PTPN3: variants seen among roughly 807,000 people sequenced by gnomAD.
The protein encoded by PTPN3 is protein tyrosine phosphatase non-receptor type 3, also known as tyrosine-protein phosphatase non-receptor type 3.
In PTPN3, 96 loss-of-function variants were observed where a neutral mutation model predicts 132.7. The observed-to-expected ratio is 0.72, with a 90% CI of 0.61 to 0.86. PTPN3 has a LOEUF of 0.86. PTPN3 is among the 40% of genes least tolerant of loss of function. PTPN3 has a pLI of 0.00. For synonymous variants in PTPN3, 398 were observed against 429.0 expected, an observed-to-expected ratio of 0.93 and a Z score of 0.89; for missense variants, 1,125 against 1,159.6, an observed-to-expected ratio of 0.97 and a Z score of 0.43.
intron 16 of PTPN3, 40 bp from the exon 17 acceptor site, chr9:109,408,417 A>G: frequency 8.2e-7 from 1 of 1,224,346 alleles, no homozygotes. Context: ...AAAGTTTTTT[A>G]AGTTAAACAA....
chr9:109,513,461 C>G, the PTPN3 span, among the ~76,000 whole-genome samples: 7 of 152,210 alleles, frequency 4.6e-5, no homozygotes, highest in Non-Finnish European at 8.8e-5. Context: ...TGTTCCCCCC[C>G]AGAACACCTG....
At chr9:109,501,918 A>G (rs1847868552), upstream of PTPN3, among the ~76,000 whole-genome samples, 1 of 152,218 alleles carries the variant, frequency 6.6e-6, no homozygotes, top group Non-Finnish European at 1.5e-5. Flanking sequence ...CCAGGACCGT[A>G]AGAGCAGCCC....
At position 109,492,170 on chromosome 9, in the gene PTPN3, A is replaced by G. The variant is rs376040592; in HGVS notation, c.-18+6049T>C. Among the ~76,000 whole-genome samples the G allele has an allele frequency of 1.4e-3, 218 of 152,208 alleles. 2 individuals carry two copies. The highest frequency in any genetic ancestry group is 3.4e-3 in the African/African-American group (141 of 41,536). On this transcript the variant is annotated intron_variant, in intron 1 of 25. Transcript: ENST00000374541. Reference sequence around the variant, plus strand: ...GGCCAACCTCCCCTCCCCAGGCCCAATGGTGGCTGGCGGTCAAAAAACAGC... The same window carrying G: ...GGCCAACCTCCCCTCCCCAGGCCCAGTGGTGGCTGGCGGTCAAAAAACAGC...
Position 109,436,915 on chromosome 9 carries a change from C to A in PTPN3, c.643G>T (p.Asp215Tyr). 6.2e-7 allele frequency: 1 copy of A among 1,614,040 alleles called. No individual in the cohort carries two copies. The highest frequency in any genetic ancestry group is 1.6e-4 in the Middle Eastern group (1 of 6,062). ...SCYINIARTLDFYGVELHSGR... is the reference protein window; with the variant it reads ...SCYINIARTLYFYGVELHSGR... ...CTGTGCAGTTCTACTCCATAGAAGT[C>A]GAGGGTCCGCGCTATGTTGATATAG... is the stretch of plus-strand genomic sequence containing the variant. Residue 215 changes from aspartate to tyrosine, a missense_variant, in exon 9 of 26, where the codon GAC becomes TAC. By Grantham distance (160) the Asp-to-Tyr change is radical. Coordinates refer to ENST00000374541, the MANE Select transcript of PTPN3 (RefSeq NM_002829.4).
At position 109,404,586 on chromosome 9, in the gene PTPN3, G is replaced by C. The variant is rs7859962; in HGVS notation, c.1815C>G (p.Phe605Leu). 2.4e-4 allele frequency: 371 copies of C among 1,548,330 alleles called. No homozygotes were observed. In the African/African-American group the frequency reaches 4.4e-3, roughly 19 times the overall value. Residue 605 changes from phenylalanine to leucine, a missense_variant, in exon 19 of 26, where the codon TTC becomes TTG. Physicochemically the swap from Phe to Leu is conservative, Grantham distance 22. Transcript: ENST00000374541. Reference protein sequence around the residue: ...RRRAVRSFADFKSEDELNQLF... With the variant: ...RRRAVRSFADLKSEDELNQLF... ...GCTGGTTCAGTTCATCTTCAGACTT[G>C]AAGTCAGCAAATGAGCGGACAGCTG...
At chr9:109,451,444 G>GAC (rs1845242078) in intron 5 of PTPN3, 2 of 911,708 alleles carry the variant, frequency 2.2e-6, no homozygotes, top group Admixed American at 6.2e-5. Context: ...AGAAGAGACA[G>GAC]ACACACACTG....
intron 19 of PTPN3, among the ~76,000 whole-genome samples, chr9:109,398,098 AC>A (rs1398378830): frequency 6.6e-6 from 1 of 152,192 alleles, no homozygotes; most frequent in African/African-American, 2.4e-5. Flanking sequence ...ACATGGTGAA[AC>A]CCCATCTCTA....
At chr9:109,534,597 TGAAACC>T in the PTPN3 span, among the ~76,000 whole-genome samples, 1 of 132,984 alleles carries the variant, frequency 7.5e-6, no homozygotes, top group African/African-American at 2.9e-5. Flanking sequence ...ACTAACATGG[TGAAACC>T]CCGTCTCTAC....
chr9:109,436,862 A>G (rs1194395878), intron 9 of PTPN3, 21 bp downstream of exon 9: 1 of 1,602,216 alleles, frequency 6.2e-7, no homozygotes, highest in East Asian at 2.2e-5. Flanking sequence ...GTTTGAGCCA[A>G]GACATAACAA....
chr9:109,464,190 T>G (rs886249815), intron 1 of PTPN3, among the ~76,000 whole-genome samples: 11 of 152,188 alleles, frequency 7.2e-5, no homozygotes, highest in African/African-American at 2.4e-4. Context: ...CATAACTCAG[T>G]GCAACCACTG....
intron 1 of PTPN3, among the ~76,000 whole-genome samples, chr9:109,478,519 C>G (rs1446651598): frequency 6.6e-6 from 1 of 152,166 alleles, no homozygotes; most frequent in East Asian, 1.9e-4. Flanking sequence ...TGACCAAGGA[C>G]AGGCACCAAT....
chr9:109,520,242 C>T, the PTPN3 span, among the ~76,000 whole-genome samples: 5 of 151,968 alleles, frequency 3.3e-5, no homozygotes, highest in African/African-American at 1.2e-4. Flanking sequence ...CCATGCTCTG[C>T]GCCATTGCAT....
intron 1 of PTPN3, among the ~76,000 whole-genome samples, chr9:109,493,561 T>A (rs1159988848): frequency 6.6e-6 from 1 of 152,208 alleles, no homozygotes; most frequent in African/African-American, 2.4e-5. Flanking sequence ...TAACTTTCCA[T>A]ATAAACCATC....
At chr9:109,497,336 C>G (rs901970419) in intron 1 of PTPN3, among the ~76,000 whole-genome samples, 3 of 152,168 alleles carry the variant, frequency 2.0e-5, no homozygotes, top group Non-Finnish European at 4.4e-5. Flanking sequence ...ATTTATCCCA[C>G]TTAATCCACT....
chr9:109,394,527 C>G (rs1840399458), intron 19 of PTPN3, among the ~76,000 whole-genome samples: 1 of 151,678 alleles, frequency 6.6e-6, no homozygotes, highest in Non-Finnish European at 1.5e-5. Flanking sequence ...ACTGCAACCT[C>G]TGCCTCCAAG....
intron 5 of PTPN3, among the ~76,000 whole-genome samples, chr9:109,452,298 CAG>C (rs927103650): frequency 8.6e-5 from 11 of 127,196 alleles, no homozygotes; most frequent in Non-Finnish European, 1.5e-4. Context: ...GGAAATAAAA[CAG>C]AATAGAAAAC....
chr9:109,479,548 T>C (rs1006697940), intron 1 of PTPN3, among the ~76,000 whole-genome samples: 1 of 152,258 alleles, frequency 6.6e-6, no homozygotes, highest in Non-Finnish European at 1.5e-5. Context: ...GGAGTAGGAT[T>C]GCTGGGTCAC....
chr9:109,477,704 G>A (rs1477694463), intron 1 of PTPN3, among the ~76,000 whole-genome samples: 1 of 152,226 alleles, frequency 6.6e-6, no homozygotes, highest in Non-Finnish European at 1.5e-5. Flanking sequence ...ATTTCCTGAG[G>A]CCAGGCTCTG....
the PTPN3 span, chr9:109,533,783 T>A: frequency 8.2e-7 from 1 of 1,215,740 alleles, no homozygotes; most frequent in Non-Finnish European, 1.2e-6. Flanking sequence ...CCGGCGTGGT[T>A]GAGCCTGGCC....
Sources: allele counts gnomAD v4.1 joint callset (sites outside exome capture counted in the v4.1 genomes callset), GRCh38; gene constraint gnomAD v4.1.1; transcripts MANE v1.5; gene names NCBI Gene and HGNC (gene_info 2026-07-23, HGNC 2026-07-21).